Variants in DPH6 observed in about 807,000 individuals in gnomAD.
DPH6 encodes diphthine--ammonia ligase.
Under a neutral mutation model 38.2 loss-of-function variants are expected in DPH6, and 33 were observed. That is an observed-to-expected ratio of 0.86 (90% confidence interval 0.65 to 1.15). The LOEUF (loss-of-function observed/expected upper bound fraction) is 1.15, where lower values mean the gene tolerates loss of function less well. Among genes scored for constraint, DPH6 ranks in the 50% most tolerant of loss-of-function variants. The pLI, the probability that DPH6 is intolerant of heterozygous loss-of-function variation, is 0.00. For missense variants in DPH6, 325 were observed against 320.0 expected (o/e 1.02, Z -0.12); for synonymous variants, 108 against 103.0 (o/e 1.05, Z -0.30).
chr15:35,146,809 A>C, the DPH6 span, among the ~76,000 whole-genome samples: 1 of 152,174 alleles, frequency 6.6e-6, no homozygotes, highest in African/African-American at 2.4e-5. Flanking sequence ...AATGGTATTC[A>C]TTTGGTGAAT....
Position 35,521,714 on chromosome 15 carries a change from G to A in DPH6, c.312+16560C>T, listed in dbSNP as rs1247913738. 4.1e-6 allele frequency: 5 copies of A among 1,231,188 alleles called. No homozygotes were observed. The South Asian group carries it at 1.2e-4, about 30-fold the overall frequency. 76.3% of individuals were successfully genotyped at this position (1,231,188 alleles called of 1,614,324 possible). A position where few individuals can be genotyped will look rare whatever the true frequency, so the allele number is the denominator to read the frequency against. Reference sequence around the variant, plus strand: ...GAGCAGCATATTAAAATCAATTTTAGTCAACTTTAATTTATGCAAAGCTTG... The same window carrying A: ...GAGCAGCATATTAAAATCAATTTTAATCAACTTTAATTTATGCAAAGCTTG... On this transcript the variant is annotated intron_variant, in intron 3 of 8. Transcript: ENST00000256538.
At chr15:35,416,403 T>G (rs1033034759) in intron 5 of DPH6, among the ~76,000 whole-genome samples, 1 of 152,006 alleles carries the variant, frequency 6.6e-6, no homozygotes, top group African/African-American at 2.4e-5. Flanking sequence ...GGTAGGTTTT[T>G]TTGGCATGAA....
chr15:35,349,105 A>C (rs577561923), intron 3 of DPH6, among the ~76,000 whole-genome samples: 2 of 152,252 alleles, frequency 1.3e-5, no homozygotes, highest in South Asian at 2.1e-4. Flanking sequence ...ATTTGTGAAC[A>C]GAGTTAATTT....
At chr15:35,337,246 A>T (rs1321392624) in intron 3 of DPH6, among the ~76,000 whole-genome samples, 1 of 152,144 alleles carries the variant, frequency 6.6e-6, no homozygotes, top group Non-Finnish European at 1.5e-5. Flanking sequence ...AGGTGTTTGT[A>T]GTATTCTCTG....
intron 3 of DPH6, among the ~76,000 whole-genome samples, chr15:35,242,026 C>T (rs2051603381): frequency 6.9e-6 from 1 of 144,386 alleles, no homozygotes; most frequent in African/African-American, 2.5e-5. Context: ...GGATCTCAAA[C>T]GTGCTTTCTT....
intron 3 of DPH6, among the ~76,000 whole-genome samples, chr15:35,244,756 A>T (rs1003396682): frequency 6.6e-6 from 1 of 152,234 alleles, no homozygotes; most frequent in Non-Finnish European, 1.5e-5. Flanking sequence ...AGCTAGAGAG[A>T]GCTGTGCTGA....
chr15:35,542,219 G>A (rs748257096), intron 2 of DPH6, among the ~76,000 whole-genome samples, 194 bp downstream of exon 2: 2 of 152,032 alleles, frequency 1.3e-5, no homozygotes, highest in Non-Finnish European at 2.9e-5. Flanking sequence ...CATCTCTATA[G>A]AAGTTGGTTA....
chr15:35,457,407 C>A (rs570652803), intron 3 of DPH6, among the ~76,000 whole-genome samples: 1 of 152,020 alleles, frequency 6.6e-6, no homozygotes, highest in African/African-American at 2.4e-5. Context: ...GATTCTTGTG[C>A]CTCAGCCTCC....
intron 3 of DPH6, among the ~76,000 whole-genome samples, chr15:35,517,828 G>A (rs138502351): frequency 2.6e-5 from 4 of 151,962 alleles, no homozygotes; most frequent in Non-Finnish European, 5.9e-5. Flanking sequence ...TGAAGTGTCT[G>A]AATCTAAACC....
rs142771801 is a variant in DPH6, at chr15:35,530,828, T to C, written c.312+7446A>G. On this transcript the variant is annotated intron_variant, in intron 3 of 8. Transcript: ENST00000256538. ...GACTTTATCATCTGAAAGGACCAGA[T>C]GTGGCACAGCCTCAATAAAGCTGCA... Among the ~76,000 whole-genome samples, 221 of 152,340 alleles carry C rather than the reference T, an allele frequency of 1.5e-3. 1 individual carries two copies. The highest frequency in any genetic ancestry group is 5.1e-3 in the African/African-American group (212 of 41,574).
At chr15:35,391,300 TGAG>T (rs1205498258) in intron 6 of DPH6, among the ~76,000 whole-genome samples, 3 of 152,158 alleles carry the variant, frequency 2.0e-5, no homozygotes, top group African/African-American at 7.2e-5. Context: ...GGGACCCACT[TGAG>T]GAGGCAGTCT....
At chr15:35,378,419 C>T (rs984583723) in intron 7 of DPH6, among the ~76,000 whole-genome samples, 6 of 152,124 alleles carry the variant, frequency 3.9e-5, no homozygotes, top group Non-Finnish European at 7.4e-5. Flanking sequence ...GACAGTGTGG[C>T]GATTCCTCAA....
intron 3 of DPH6, among the ~76,000 whole-genome samples, chr15:35,511,528 T>C (rs918879330): frequency 6.6e-6 from 1 of 152,132 alleles, no homozygotes; most frequent in African/African-American, 2.4e-5. Context: ...AGTGTGAATA[T>C]GTACATGTGT....
chr15:35,192,198 G>C, the DPH6 span, among the ~76,000 whole-genome samples: 3 of 152,128 alleles, frequency 2.0e-5, no homozygotes, highest in Non-Finnish European at 4.4e-5. Flanking sequence ...AAAATAATGG[G>C]TTTGTATAGT....
the DPH6 span, among the ~76,000 whole-genome samples, chr15:35,175,204 A>G: frequency 6.6e-6 from 1 of 152,198 alleles, no homozygotes; most frequent in Non-Finnish European, 1.5e-5. Flanking sequence ...GAAAAATAAT[A>G]ACAAGTTAAA....
At position 35,274,920 on chromosome 15, in the gene DPH6, C is replaced by CTT. The variant is rs111503678; in HGVS notation, n.201-54340_201-54339dup. On this transcript the variant is annotated intron_variant and non_coding_transcript_variant, in intron 3 of 3. Coordinates refer to the DPH6 transcript ENST00000560386. Reference sequence around the variant, plus strand: ...TATACCCAAAGAACTATAAATCATTCTTTTTTTTTTTTGAGACGGAGTCTG... The same window carrying CTT: ...TATACCCAAAGAACTATAAATCATTCTTTTTTTTTTTTTTGAGACGGAGTCTG... Among the ~76,000 whole-genome samples, 270 of 145,714 alleles carry CTT rather than the reference C, an allele frequency of 1.9e-3. 1 individual carries two copies. The highest frequency in any genetic ancestry group is 5.0e-3 in the East Asian group (25 of 5,018).
exon 4 of DPH6, chr15:35,218,734 C>T (rs996200020): frequency 1.4e-5 from 2 of 147,246 alleles, no homozygotes; most frequent in African/African-American, 5.0e-5. Context: ...ATGCTTAAAG[C>T]TTTTTTTTTT....
At chr15:35,213,607 C>T (rs2051397478), downstream of DPH6, among the ~76,000 whole-genome samples, 1 of 152,146 alleles carries the variant, frequency 6.6e-6, no homozygotes, top group Non-Finnish European at 1.5e-5. Context: ...ACACAATATC[C>T]TGGGACAGGT....
intron 3 of DPH6, among the ~76,000 whole-genome samples, chr15:35,257,772 T>TTGTGTGTGTGTGTGTGTGTGTGTG (rs60955022): frequency 6.7e-6 from 1 of 148,658 alleles, no homozygotes; most frequent in Non-Finnish European, 1.5e-5. Flanking sequence ...GGTCTCAGCT[T>TTGTGTGTGTGTGTGTGTGTGTGTG]TGTGTGTGTG....
Sources: allele counts gnomAD v4.1 joint callset (sites outside exome capture counted in the v4.1 genomes callset), GRCh38; gene constraint gnomAD v4.1.1; transcripts MANE v1.5; gene names NCBI Gene and HGNC (gene_info 2026-07-23, HGNC 2026-07-21).